Variants in STK32A observed in about 807,000 individuals in gnomAD.
The protein encoded by STK32A is serine/threonine kinase 32A.
Under a neutral mutation model 53.2 loss-of-function variants are expected in STK32A, and 41 were observed. The observed-to-expected ratio is 0.77, with a 90% CI of 0.60 to 1.00. STK32A has a LOEUF of 1.00. STK32A is among the 50% of genes least tolerant of loss of function. The pLI, the probability that STK32A is intolerant of heterozygous loss-of-function variation, is 0.00. For synonymous variants in STK32A, 166 were observed against 162.8 expected (o/e 1.02, Z -0.15); for missense variants, 458 against 485.8 (o/e 0.94, Z 0.54).
intron 6 of STK32A, among the ~76,000 whole-genome samples, 156 bp from the exon 7 acceptor site, chr5:147,350,909 G>A (rs1581127292): frequency 6.6e-6 from 1 of 152,184 alleles, no homozygotes; most frequent in East Asian, 1.9e-4. Context: ...TCATGAAATG[G>A]AGAATTGTTG....
chr5:147,310,792 T>C (rs901845146), intron 4 of STK32A, among the ~76,000 whole-genome samples: 3 of 152,174 alleles, frequency 2.0e-5, no homozygotes, highest in Non-Finnish European at 2.9e-5. Flanking sequence ...AATGTTGTTA[T>C]TCCCCTTTGC....
chr5:147,312,188 C>A (rs555161845), intron 4 of STK32A, among the ~76,000 whole-genome samples: 2 of 152,300 alleles, frequency 1.3e-5, no homozygotes, highest in Admixed American at 6.5e-5. Flanking sequence ...GCAACCTCTG[C>A]CCCCCAGGTT....
chr5:147,281,772 A>G (rs1752076165), intron 4 of STK32A, among the ~76,000 whole-genome samples: 1 of 152,230 alleles, frequency 6.6e-6, no homozygotes, highest in African/African-American at 2.4e-5. Flanking sequence ...TGGGTAATTC[A>G]TCGCAAAAAG....
At chr5:147,329,495 T>G (rs1754758030) in intron 5 of STK32A, among the ~76,000 whole-genome samples, 1 of 152,240 alleles carries the variant, frequency 6.6e-6, no homozygotes, top group Non-Finnish European at 1.5e-5. Context: ...CATAAGAAGT[T>G]GTTAATATTA....
rs181437244 is a variant in STK32A, at chr5:147,296,424, G to C, written c.260+17026G>C. Among the ~76,000 whole-genome samples the C allele has an allele frequency of 4.5e-3, 685 of 152,072 alleles. 5 individuals are homozygous for C. Among genetic ancestry groups the C allele is most frequent in the African/African-American group, 0.016 (648 of 41,478 alleles). On this transcript the variant is annotated intron_variant, in intron 4 of 12. Coordinates refer to ENST00000397936, the MANE Select transcript of STK32A (RefSeq NM_001112724.2). Reference sequence around the variant, plus strand: ...GCTTCTCCCCTGATTCTTCCTTTGGGGTGGACTGTCCGCATGTGCAGCAGC... The same window carrying C: ...GCTTCTCCCCTGATTCTTCCTTTGGCGTGGACTGTCCGCATGTGCAGCAGC...
At chr5:147,349,246 A>G (rs532476045) in intron 6 of STK32A, among the ~76,000 whole-genome samples, 65 of 152,356 alleles carry the variant, frequency 4.3e-4, no homozygotes, top group Middle Eastern at 6.8e-3. Context: ...AAACAAAGCC[A>G]AAACACTTTC....
At chr5:147,360,475 A>AAAAAG (rs1756454895) in intron 7 of STK32A, among the ~76,000 whole-genome samples, 1 of 143,386 alleles carries the variant, frequency 7.0e-6, no homozygotes, top group African/African-American at 2.8e-5. Context: ...AAAGAAAAAA[A>AAAAAG]AAAGAAAGAA....
Position 147,387,404 on chromosome 5 carries a change from T to G in STK32A, c.*3421T>G, listed in dbSNP as rs1255123981. On this transcript the variant is annotated 3_prime_UTR_variant, in exon 13 of 13. Transcript: ENST00000397936. Reference sequence around the variant, plus strand: ...AGCTAGGCTTCTTCTGATAGGAAAGTTTCAACCAGAAACCACTAGATGTTC... The same window carrying G: ...AGCTAGGCTTCTTCTGATAGGAAAGGTTCAACCAGAAACCACTAGATGTTC... The G allele has an allele frequency of 6.6e-6, 1 of 152,334 alleles. No homozygotes were observed. The highest frequency in any genetic ancestry group is 1.5e-5 in the Non-Finnish European group (1 of 68,038). 9.4% of individuals were successfully genotyped at this position (152,334 alleles called of 1,614,324 possible). A position where few individuals can be genotyped will look rare whatever the true frequency, so the allele number is the denominator to read the frequency against.
intron 5 of STK32A, among the ~76,000 whole-genome samples, chr5:147,330,062 T>A (rs941995176): frequency 3.3e-5 from 5 of 152,186 alleles, no homozygotes; most frequent in Non-Finnish European, 7.3e-5. Flanking sequence ...ATTCCTACAG[T>A]CCCAGTGACC....
intron 11 of STK32A, among the ~76,000 whole-genome samples, chr5:147,381,207 G>T (rs933447663): frequency 6.6e-6 from 1 of 152,018 alleles, no homozygotes; most frequent in Non-Finnish European, 1.5e-5. Context: ...TTTTCTTTTA[G>T]CACTTTGAAT....
At chr5:147,394,696 C>A in the STK32A span, among the ~76,000 whole-genome samples, 1 of 151,188 alleles carries the variant, frequency 6.6e-6, no homozygotes, top group Non-Finnish European at 1.5e-5. Context: ...AAAAAAAAGG[C>A]AAAAACTTTG....
At chr5:147,322,771 T>C (rs1754380697) in intron 4 of STK32A, among the ~76,000 whole-genome samples, 1 of 152,200 alleles carries the variant, frequency 6.6e-6, no homozygotes, top group Non-Finnish European at 1.5e-5. Context: ...AGCTACTGTT[T>C]GTACACAGCA....
In STK32A at chr5:147,323,947, C is replaced by A; in HGVS notation, c.310C>A (p.Leu104Met). 1 of 1,613,636 alleles carries A rather than the reference C, an allele frequency of 6.2e-7. No individual in the cohort carries two copies. The highest frequency in any genetic ancestry group is 8.5e-7 in the Non-Finnish European group (1 of 1,179,818). Reference sequence around the variant, plus strand: ...CATGTTCATGGTGGTGGACCTCCTGCTGGGTGGAGACCTGCGTTATCACCT... The same window carrying A: ...CATGTTCATGGTGGTGGACCTCCTGATGGGTGGAGACCTGCGTTATCACCT... The part of the protein sequence containing the change: ...EDMFMVVDLL[L>M]GGDLRYHLQQ... The change falls in exon 5 of 13, where the codon CTG becomes ATG. Residue 104 changes from leucine to methionine, a missense_variant. Leu to Met is a conservative substitution (Grantham distance 15). Coordinates refer to ENST00000397936, the MANE Select transcript of STK32A (RefSeq NM_001112724.2).
chr5:147,243,595 G>T (rs1305238040), intron 2 of STK32A, among the ~76,000 whole-genome samples: 1 of 151,966 alleles, frequency 6.6e-6, no homozygotes, highest in Non-Finnish European at 1.5e-5. Flanking sequence ...AAAAAAATTA[G>T]CTGGGCATGC....
chr5:147,302,418 T>C (rs572521780), intron 4 of STK32A, among the ~76,000 whole-genome samples: 1 of 152,290 alleles, frequency 6.6e-6, no homozygotes, highest in Admixed American at 6.5e-5. Context: ...TTGGGGATCA[T>C]TTATAGACAA....
intron 4 of STK32A, 146 bp from the exon 5 acceptor site, chr5:147,323,752 T>C: frequency 1.6e-6 from 1 of 616,102 alleles, no homozygotes; most frequent in South Asian, 2.2e-5. Context: ...CCTAAGGTGA[T>C]AGAGCTAGTG....
rs781503137 is a variant in STK32A, at chr5:147,351,080, C to T, written c.488C>T (p.Thr163Ile). 1 of 1,613,954 alleles carries T rather than the reference C, an allele frequency of 6.2e-7. No individual in the cohort carries two copies. The change falls in exon 7 of 13, where the codon ACA becomes ATA. Residue 163 changes from threonine (T) to isoleucine (I), a missense_variant. Thr to Ile is a moderately conservative substitution (Grantham distance 89). Coordinates refer to ENST00000397936, the MANE Select transcript of STK32A (RefSeq NM_001112724.2). ...LLDEHGHVHI[T>I]DFNIAAMLPR... ...CTCTCTGCAGGGCACGTGCACATCA[C>T]AGATTTCAACATTGCTGCGATGCTG...
chr5:147,361,408 A>C (rs1384325862), intron 7 of STK32A, 109 bp from the exon 8 acceptor site: 7 of 761,382 alleles, frequency 9.2e-6, no homozygotes, highest in Non-Finnish European at 1.1e-5. Context: ...CATCCATAAA[A>C]GTGTTTATAT....
intron 4 of STK32A, among the ~76,000 whole-genome samples, chr5:147,281,555 C>A (rs1752065879): frequency 6.6e-6 from 1 of 151,744 alleles, no homozygotes; most frequent in African/African-American, 2.4e-5. Flanking sequence ...CAAACAAAGA[C>A]AAAGCAAAAA....
Sources: gnomAD v4.1 joint callset for allele counts (sites outside exome capture counted in the v4.1 genomes callset) on GRCh38, gnomAD v4.1.1 for gene constraint, MANE v1.5 for transcripts, NCBI Gene and HGNC (gene_info 2026-07-23, HGNC 2026-07-21) for gene names.